The following SPG21 variants were observed in gnomAD, a reference collection of about 807,000 sequenced individuals.
The protein encoded by SPG21 is maspardin.
SPG21 carries 26 observed loss-of-function variants against 38.9 expected under a neutral mutation model. That is an observed-to-expected ratio of 0.67 (90% confidence interval 0.49 to 0.93). The LOEUF is 0.93. Ranked by LOEUF, SPG21 falls within the 40% of genes least tolerant of loss-of-function variation. The pLI is 0.00. For synonymous variants in SPG21, 136 were observed against 128.9 expected, an observed-to-expected ratio of 1.05 and a Z score of -0.37; for missense variants, 333 against 376.5, an observed-to-expected ratio of 0.88 and a Z score of 0.96.
Position 64,983,514 on chromosome 15 carries a change from A to T in SPG21, c.56T>A (p.Leu19His). The T allele has an allele frequency of 6.3e-7, 1 of 1,575,648 alleles. No individual in the cohort carries two copies. Among genetic ancestry groups the T allele is most frequent in the Non-Finnish European group, 8.7e-7 (1 of 1,155,960 alleles). ...TAGTAAAACCATACATACCTTTTTA[A>T]GGGGAACTGTACCTCTAAACCAGTT... Reference protein sequence around the residue: ...DYNWFRGTVPLKKIIVDDDDS... With the variant: ...DYNWFRGTVPHKKIIVDDDDS... Residue 19 changes from leucine to histidine, a missense_variant, in exon 2 of 9, where the codon CTT (leucine) becomes CAT (histidine). Physicochemically the swap from Leu to His is moderately conservative, Grantham distance 99. Transcript: ENST00000204566.
At chr15:64,966,401 C>T (rs2085540876) in intron 7 of SPG21, among the ~76,000 whole-genome samples, 1 of 152,130 alleles carries the variant, frequency 6.6e-6, no homozygotes, top group Non-Finnish European at 1.5e-5. Context: ...CTAAAACTTA[C>T]AGGCTGTTTT....
chr15:64,985,149 G>C (rs542611737), intron 1 of SPG21, among the ~76,000 whole-genome samples: 1 of 152,212 alleles, frequency 6.6e-6, no homozygotes, highest in Non-Finnish European at 1.5e-5. Flanking sequence ...ATGTAAACTT[G>C]AAGGCACTAT....
intron 3 of SPG21, among the ~76,000 whole-genome samples, chr15:64,980,393 A>G (rs1279991256): frequency 6.6e-6 from 1 of 152,130 alleles, no homozygotes; most frequent in Admixed American, 6.6e-5. Flanking sequence ...GCCTCCTTCA[A>G]AAGGCTTCAT....
chr15:64,964,052 T>C (rs532927074), intron 8 of SPG21, among the ~76,000 whole-genome samples: 32 of 152,160 alleles, frequency 2.1e-4, no homozygotes, highest in African/African-American at 6.0e-4. Context: ...CACTGCACCC[T>C]GCCAGAATCA....
intron 3 of SPG21, among the ~76,000 whole-genome samples, chr15:64,977,112 C>G (rs1486883511): frequency 6.6e-6 from 1 of 152,180 alleles, no homozygotes; most frequent in Non-Finnish European, 1.5e-5. Flanking sequence ...GTTGCCCAGG[C>G]TGGAGTGCAG....
intron 7 of SPG21, among the ~76,000 whole-genome samples, chr15:64,968,340 C>CA (rs11305475): frequency 0.71 from 77,442 of 109,646 alleles, 27,686 homozygotes; most frequent in Middle Eastern, 0.87. Context: ...ACCCTGTTTC[C>CA]AAAAAAAAAA....
chr15:64,963,291 C>A lies in SPG21; in HGVS notation c.*329G>T. 1 of 237,036 alleles carries A rather than the reference C, an allele frequency of 4.2e-6. No individual in the cohort carries two copies. The highest frequency in any genetic ancestry group is 8.2e-6 in the Non-Finnish European group (1 of 121,332). The allele number at this position is 237,036 out of a possible 1,614,324, so 14.7% of individuals were successfully genotyped here. A position where few individuals can be genotyped will look rare whatever the true frequency, so the allele number is the denominator to read the frequency against. On this transcript the variant is annotated 3_prime_UTR_variant, in exon 9 of 9. Transcript: ENST00000204566. ...GGAAAAGAAAAGAAGAAAAAAACCA[C>A]CACAAAGTCCCAAACCTCAGAAATT...
At chr15:64,984,023 A>T (rs917556457) in intron 1 of SPG21, among the ~76,000 whole-genome samples, 3 of 152,192 alleles carry the variant, frequency 2.0e-5, no homozygotes, top group Non-Finnish European at 4.4e-5. Context: ...ACCTCAGGTG[A>T]TCCACCCACC....
chr15:64,974,643 G>A lies in SPG21; in HGVS notation c.411C>T (p.Phe137=). Residue 137 remains phenylalanine (F), a synonymous_variant, in exon 5 of 9, where the codon TTC becomes TTT. Coordinates refer to ENST00000204566, the MANE Select transcript of SPG21 (RefSeq NM_016630.7). ...TTTGGTTGAAGATAGAGGTGTCACT[G>A]AAGGAATTGCAGAGGATTAGGGAAT... is the stretch of plus-strand genomic sequence containing the variant. ...RVHSLILCNS[F]SDTSIFNQTW... 6.2e-7 allele frequency: 1 copy of A among 1,614,214 alleles called. No individual in the cohort carries two copies.
Position 64,979,845 on chromosome 15 carries a change from CAAAA to C in SPG21, c.225+1015_225+1018del, listed in dbSNP as rs71136305. ...ATGTCCTGACCAATGTGGAAGCATG[CAAAA>C]AAAAAAAAAAAAAAAAAAATCAGTC... is the stretch of plus-strand genomic sequence containing the variant. On this transcript the variant is annotated intron_variant, in intron 3 of 8. Coordinates refer to ENST00000204566, the MANE Select transcript of SPG21 (RefSeq NM_016630.7). Among the ~76,000 whole-genome samples, 315 of 89,490 alleles carry C rather than the reference CAAAA, an allele frequency of 3.5e-3. 1 individual carries two copies. The highest frequency in any genetic ancestry group is 7.1e-3 in the South Asian group (22 of 3,110). The allele number at this position is 89,490 out of a possible 152,430, so 58.7% of individuals were successfully genotyped here. A position where few individuals can be genotyped will look rare whatever the true frequency, so the allele number is the denominator to read the frequency against.
At chr15:64,977,423 G>C (rs1016158877) in intron 3 of SPG21, among the ~76,000 whole-genome samples, 1 of 152,112 alleles carries the variant, frequency 6.6e-6, no homozygotes, top group Non-Finnish European at 1.5e-5. Context: ...GCATTGGCAC[G>C]ATTGTAGCTC....
rs111868497 is a variant in SPG21 at position 64,972,607 on chromosome 15, C to T, written c.452+1995G>A. Among the ~76,000 whole-genome samples the T allele has an allele frequency of 7.8e-3, 1,186 of 152,090 alleles. 50 individuals are homozygous for T. In the South Asian group the frequency reaches 0.12, roughly 16 times the overall value. ...CAGCACTTTGGGAGGCTGAGGCGGG[C>T]GGATCACGAGGTCAGGAGATCGAGA... On this transcript the variant is annotated intron_variant, in intron 5 of 8. Coordinates refer to ENST00000204566, the MANE Select transcript of SPG21 (RefSeq NM_016630.7).
chr15:64,965,271 C>T, intron 8 of SPG21, 49 bp downstream of exon 8: 1 of 1,613,252 alleles, frequency 6.2e-7, no homozygotes, highest in South Asian at 1.1e-5. Context: ...CTTTATGTTG[C>T]AAACATATGT....
chr15:64,969,006 C>T (rs974122333), intron 7 of SPG21, among the ~76,000 whole-genome samples: 5 of 152,128 alleles, frequency 3.3e-5, no homozygotes, highest in Admixed American at 6.5e-5. Context: ...CCTCCCAAAG[C>T]GCTGGGATTA....
At chr15:64,973,057 G>T (rs1042545666) in intron 5 of SPG21, among the ~76,000 whole-genome samples, 3 of 152,038 alleles carry the variant, frequency 2.0e-5, no homozygotes, top group African/African-American at 7.2e-5. Context: ...TTGAACTCTT[G>T]GGCTCAAGCG....
chr15:64,982,106 T>G (rs900702217), intron 2 of SPG21, among the ~76,000 whole-genome samples: 1 of 151,856 alleles, frequency 6.6e-6, no homozygotes, highest in Non-Finnish European at 1.5e-5. Flanking sequence ...GTTTTTGTCC[T>G]GTGTATCTTG....
rs531332493 is a variant in SPG21 at position 64,965,903 on chromosome 15, T to C, written c.670-443A>G. Among the ~76,000 whole-genome samples the C allele has an allele frequency of 2.9e-3, 447 of 152,224 alleles. 2 individuals carry two copies. The highest frequency in any genetic ancestry group is 3.9e-3 in the Admixed American group (60 of 15,284). On this transcript the variant is annotated intron_variant, in intron 7 of 8. Transcript: ENST00000204566. ...TTTTAGTAGAGATGGGGTTTCACCA[T>C]GTTGGCCAGGCTGGTCTCAAACTCC...
chr15:64,981,009 T>A lies in SPG21; in HGVS notation c.80A>T (p.Asp27Val), dbSNP rs761824204. The A allele has an allele frequency of 1.9e-6, 3 of 1,614,144 alleles. No individual in the cohort carries two copies. Among genetic ancestry groups the A allele is most frequent in the Non-Finnish European group, 2.5e-6 (3 of 1,180,024 alleles). ...ATAGAGCGACCATATCTTACTGTCATCATCATCCACAATAATCTGGAGGGA... is the reference window on the plus strand; with the variant it reads ...ATAGAGCGACCATATCTTACTGTCAACATCATCCACAATAATCTGGAGGGA... The part of the protein sequence containing the change: ...VPLKKIIVDD[D>V]DSKIWSLYDA... The change falls in exon 3 of 9, where the codon GAT becomes GTT. Residue 27 changes from aspartate to valine, a missense_variant. Transcript: ENST00000204566.
At chr15:64,978,948 T>C (rs1201091865) in intron 3 of SPG21, among the ~76,000 whole-genome samples, 2 of 152,242 alleles carry the variant, frequency 1.3e-5, no homozygotes, top group Non-Finnish European at 2.9e-5. Context: ...TATTTCTCTT[T>C]ACTATTTTTT....
Sources: gnomAD v4.1 joint callset for allele counts (sites outside exome capture counted in the v4.1 genomes callset) on GRCh38, gnomAD v4.1.1 for gene constraint, MANE v1.5 for transcripts, NCBI Gene and HGNC (gene_info 2026-07-23, HGNC 2026-07-21) for gene names.